Variants in GDAP1 observed in about 807,000 individuals in gnomAD.
GDAP1 encodes ganglioside induced differentiation associated protein 1, also known as ganglioside-induced differentiation-associated protein 1.
Under a neutral mutation model 40.1 loss-of-function variants are expected in GDAP1, and 34 were observed. That is an observed-to-expected ratio of 0.85 (90% CI 0.64 to 1.13). GDAP1 has a LOEUF of 1.13. Ranked by LOEUF, GDAP1 falls within the 50% of genes most tolerant of loss-of-function variation. The probability of loss-of-function intolerance (pLI) is 0.00; values close to 1 mark genes in which losing one functional copy is unlikely to be tolerated. For missense variants in GDAP1, 374 were observed against 433.7 expected, an observed-to-expected ratio of 0.86 and a Z score of 1.22; for synonymous variants, 170 against 157.4, an observed-to-expected ratio of 1.08 and a Z score of -0.60.
chr8:74,478,070 T>C (rs1806654422), intron 2 of GDAP1, among the ~76,000 whole-genome samples: 1 of 151,602 alleles, frequency 6.6e-6, no homozygotes, highest in African/African-American at 2.4e-5. Context: ...TTGCCTAGTT[T>C]TGTGCTGGCA....
At chr8:74,429,288 C>A (rs891121950) in intron 2 of GDAP1, among the ~76,000 whole-genome samples, 7 of 151,692 alleles carry the variant, frequency 4.6e-5, no homozygotes, top group African/African-American at 1.7e-4. Context: ...AGGAATAGAA[C>A]TTAAAGTATA....
At chr8:74,439,944 TTATTTATTTTTGTAAGTGA>T (rs1416080558) in intron 2 of GDAP1, among the ~76,000 whole-genome samples, 3 of 152,126 alleles carry the variant, frequency 2.0e-5, no homozygotes. Context: ...GTAAGTGACA[TTATTTATTTTTGTAAGTGA>T]TATTTATTTT....
chr8:74,370,929 A>G (rs1452671546), downstream of GDAP1, among the ~76,000 whole-genome samples: 1 of 152,270 alleles, frequency 6.6e-6, no homozygotes, highest in Non-Finnish European at 1.5e-5. Flanking sequence ...AGACATAATC[A>G]TAAATACATA....
chr8:74,401,569 C>T (rs1024978831), intron 2 of GDAP1, among the ~76,000 whole-genome samples: 5 of 149,766 alleles, frequency 3.3e-5, no homozygotes, highest in East Asian at 1.9e-4. Context: ...AGTCATTCTC[C>T]GTCCAGCTTT....
intron 2 of GDAP1, among the ~76,000 whole-genome samples, chr8:74,443,976 G>C (rs566966997): frequency 7.6e-6 from 1 of 130,808 alleles, no homozygotes; most frequent in Non-Finnish European, 1.6e-5. Flanking sequence ...TATTCTTTCT[G>C]TCTGTCTATC....
At chr8:74,449,130 C>T (rs1806267355) in intron 2 of GDAP1, among the ~76,000 whole-genome samples, 1 of 151,820 alleles carries the variant, frequency 6.6e-6, no homozygotes, top group South Asian at 2.1e-4. Flanking sequence ...ATAATCTTAA[C>T]ATTTTTGTCA....
chr8:74,365,498 A>C lies in GDAP1; in HGVS notation c.*1131A>C, dbSNP rs1809583295. The C allele has an allele frequency of 2.2e-6, 1 of 454,182 alleles. No individual in the cohort carries two copies. Among genetic ancestry groups the C allele is most frequent in the Non-Finnish European group, 4.4e-6 (1 of 226,786 alleles). The allele number at this position is 454,182 out of a possible 1,614,324, so 28.1% of individuals were successfully genotyped here. On this transcript the variant is annotated 3_prime_UTR_variant, in exon 6 of 6. Transcript: ENST00000220822. ...CTGCAACAAATGGTTTGTGCTCAGA[A>C]AAAGTCTTTCATGGTGACAGGAAGA...
At chr8:74,432,671 C>A (rs1806042585) in intron 2 of GDAP1, among the ~76,000 whole-genome samples, 1 of 152,128 alleles carries the variant, frequency 6.6e-6, no homozygotes, top group Non-Finnish European at 1.5e-5. Flanking sequence ...TCCATCAGCG[C>A]CTTCCCTGGC....
intron 2 of GDAP1, among the ~76,000 whole-genome samples, chr8:74,403,629 T>A (rs1363466601): frequency 6.7e-6 from 1 of 150,220 alleles, no homozygotes; most frequent in Non-Finnish European, 1.5e-5. Context: ...AGTATATGGA[T>A]TATGGTCAGC....
At chr8:74,450,322 T>C (rs1173395828) in intron 2 of GDAP1, among the ~76,000 whole-genome samples, 1 of 151,878 alleles carries the variant, frequency 6.6e-6, no homozygotes, top group Non-Finnish European at 1.5e-5. Flanking sequence ...TTTGGAGATG[T>C]AGTTTTAATG....
rs542405906 is a variant in GDAP1, at chr8:74,436,126, T to C, written c.166-52552T>C. On this transcript the variant is annotated intron_variant, in intron 2 of 2. Transcript: ENST00000523640. Reference sequence around the variant, plus strand: ...GGGAGACTAATTTTGGGGTTGCCTGTTTGCTCCCAATTATTGCTTTCTGGA... The same window carrying C: ...GGGAGACTAATTTTGGGGTTGCCTGCTTGCTCCCAATTATTGCTTTCTGGA... 5.3e-5 allele frequency among the ~76,000 whole-genome samples: 8 copies of C among 152,318 alleles called. 1 individual carries two copies. The East Asian group carries it at 1.5e-3, about 29-fold the overall frequency.
intron 2 of GDAP1, among the ~76,000 whole-genome samples, chr8:74,468,512 CACACACACACACAT>C (rs1261210027): frequency 2.5e-4 from 37 of 149,222 alleles, no homozygotes; most frequent in Non-Finnish European, 1.0e-4. Flanking sequence ...CACACACACA[CACACACACACACAT>C]GAATGTGTAT....
intron 2 of GDAP1, among the ~76,000 whole-genome samples, chr8:74,380,759 C>T (rs1207150722): frequency 5.3e-5 from 8 of 151,960 alleles, no homozygotes. Context: ...GTGGAACGGA[C>T]AATATTGCAG....
intron 2 of GDAP1, among the ~76,000 whole-genome samples, chr8:74,450,178 TTCCACTGTTG>T (rs1325929000): frequency 6.6e-6 from 1 of 151,758 alleles, no homozygotes. Context: ...TCCCATTTAA[TTCCACTGTTG>T]TTAGATAACG....
chr8:74,487,432 A>G (rs922553222), intron 2 of GDAP1, among the ~76,000 whole-genome samples: 3 of 152,178 alleles, frequency 2.0e-5, no homozygotes, highest in Non-Finnish European at 4.4e-5. Flanking sequence ...GGGAATTAAA[A>G]CTTCTTTGTC....
chr8:74,353,992 C>G (rs1176798804), intron 2 of GDAP1, among the ~76,000 whole-genome samples: 4 of 152,066 alleles, frequency 2.6e-5, no homozygotes, highest in African/African-American at 9.7e-5. Flanking sequence ...AGGCATGGTT[C>G]TAGATATAGT....
In GDAP1 at chr8:74,478,536, C is replaced by T. The variant is rs535424839; in HGVS notation, c.166-10142C>T. ...AGCAGGCATGGCCAAGCTGGGGCCC[C>T]AGGAGATGCCAGCAGACTGAGGGGT... On this transcript the variant is annotated intron_variant, in intron 2 of 2. Coordinates refer to the GDAP1 transcript ENST00000523640. 4.9e-4 allele frequency among the ~76,000 whole-genome samples: 75 copies of T among 152,242 alleles called. 1 individual carries two copies. In the South Asian group the frequency reaches 0.015, roughly 29 times the overall value.
At position 74,365,559 on chromosome 8, in the gene GDAP1, G is replaced by A; in HGVS notation, c.*1192G>A. On this transcript the variant is annotated 3_prime_UTR_variant, in exon 6 of 6. Coordinates refer to ENST00000220822, the MANE Select transcript of GDAP1 (RefSeq NM_018972.4). Reference sequence around the variant, plus strand: ...GGAGCTGGCCATGAAGGCCTTAGAAGCCATTTCTGGTGTCTGGTGGGTAGC... The same window carrying A: ...GGAGCTGGCCATGAAGGCCTTAGAAACCATTTCTGGTGTCTGGTGGGTAGC... The A allele has an allele frequency of 2.2e-6, 1 of 454,426 alleles. No individual in the cohort carries two copies. The highest frequency in any genetic ancestry group is 4.4e-6 in the Non-Finnish European group (1 of 226,788). 28.1% of individuals were successfully genotyped at this position (454,426 alleles called of 1,614,324 possible). A position where few individuals can be genotyped will look rare whatever the true frequency, so the allele number is the denominator to read the frequency against.
At chr8:74,384,706 A>G (rs1810000338) in intron 2 of GDAP1, among the ~76,000 whole-genome samples, 3 of 152,236 alleles carry the variant, frequency 2.0e-5, no homozygotes, top group Non-Finnish European at 4.4e-5. Context: ...ATATAACTTC[A>G]TTAAAAAAGC....
Sources: allele counts gnomAD v4.1 joint callset (sites outside exome capture counted in the v4.1 genomes callset), GRCh38; gene constraint gnomAD v4.1.1; transcripts MANE v1.5; gene names NCBI Gene and HGNC (gene_info 2026-07-23, HGNC 2026-07-21).